Variants in FAM83D observed in about 807,000 individuals in gnomAD.
FAM83D encodes the protein protein FAM83D.
FAM83D carries 26 observed loss-of-function variants against 25.4 expected under a neutral mutation model. The ratio of observed to expected loss-of-function variants is 1.02; its 90% confidence interval spans 0.75 to 1.42. FAM83D has a LOEUF of 1.42. FAM83D is among the 40% of genes most tolerant of loss of function. The probability of loss-of-function intolerance (pLI) is 0.00; values close to 1 mark genes in which losing one functional copy is unlikely to be tolerated. For synonymous variants in FAM83D, 310 were observed against 318.5 expected (o/e 0.97, Z 0.28); for missense variants, 740 against 758.1 (o/e 0.98, Z 0.28).
chr20:38,941,953 C>T lies in FAM83D; in HGVS notation c.484-6C>T. On this transcript the variant is annotated splice_polypyrimidine_tract_variant and splice_region_variant and intron_variant, in intron 1 of 3. Coordinates refer to ENST00000619850, the MANE Select transcript of FAM83D (RefSeq NM_030919.3). ...TATCATGTGCTCTTCCCTGTTTCAC[C>T]TGTAGGTGATTGCAGTGGTCATGGA... 5 of 1,613,632 alleles carry T rather than the reference C, an allele frequency of 3.1e-6. No individual in the cohort carries two copies. The highest frequency in any genetic ancestry group is 4.2e-6 in the Non-Finnish European group (5 of 1,180,010).
At chr20:38,935,885 G>T (rs2085676798) in intron 1 of FAM83D, among the ~76,000 whole-genome samples, 1 of 152,166 alleles carries the variant, frequency 6.6e-6, no homozygotes, top group South Asian at 2.1e-4. Flanking sequence ...AAAGGTTTTT[G>T]ACAAAATCCC....
rs2085635126 is a variant in FAM83D at position 38,926,530 on chromosome 20, G to A, written c.88G>A (p.Glu30Lys). Reference protein sequence around the residue: ...GPPNPTELFSESRRLALEELV... With the variant: ...GPPNPTELFSKSRRLALEELV... ...GCCCAACCCGACCGAGCTGTTCAGC[G>A]AGTCACGGCGCCTGGCTCTGGAGGA... Residue 30 changes from glutamate (E) to lysine (K), a missense_variant, in exon 1 of 4, where the codon GAG becomes AAG. Glu to Lys is a moderately conservative substitution (Grantham distance 56). This residue lies in a region of FAM83D where 333 missense variants were observed against 298.6 expected (regional missense o/e 1.12). Coordinates refer to ENST00000619850, the MANE Select transcript of FAM83D (RefSeq NM_030919.3). The A allele has an allele frequency of 3.1e-6, 5 of 1,589,666 alleles. No individual in the cohort carries two copies. Among genetic ancestry groups the A allele is most frequent in the East Asian group, 2.3e-5 (1 of 44,230 alleles).
chr20:38,949,845 G>A (rs992547918), intron 3 of FAM83D, among the ~76,000 whole-genome samples: 7 of 152,118 alleles, frequency 4.6e-5, no homozygotes, highest in Non-Finnish European at 8.8e-5. Flanking sequence ...TTGTTTTTGA[G>A]ACAAAGAGTC....
In FAM83D at chr20:38,942,006, A is replaced by C. The variant is rs773270928; in HGVS notation, c.531A>C (p.Arg177Ser). The C allele has an allele frequency of 6.2e-7, 1 of 1,614,222 alleles. No homozygotes were observed. The highest frequency in any genetic ancestry group is 8.5e-7 in the Non-Finnish European group (1 of 1,180,032). ...MDVFTDIDIF[R>S]DLQEICRKQG... ...TGTTCACAGACATCGACATCTTCAG[A>C]GACCTGCAAGAAATATGCAGGAAAC... Residue 177 changes from arginine (R) to serine (S), a missense_variant, in exon 2 of 4, where the codon AGA (arginine) becomes AGC (serine). Arg to Ser is a moderately radical substitution (Grantham distance 110, BLOSUM62 -1). Coordinates refer to ENST00000619850, the MANE Select transcript of FAM83D (RefSeq NM_030919.3).
intron 1 of FAM83D, 69 bp from the exon 2 acceptor site, chr20:38,941,890 G>A: frequency 6.6e-7 from 1 of 1,504,372 alleles, no homozygotes; most frequent in South Asian, 1.1e-5. Flanking sequence ...GGAGTCCAGA[G>A]TCCAGAGAGC....
chr20:38,937,918 A>G (rs1452789384), intron 1 of FAM83D, among the ~76,000 whole-genome samples: 2 of 152,212 alleles, frequency 1.3e-5, no homozygotes, highest in African/African-American at 2.4e-5. Flanking sequence ...AGATCACACC[A>G]CTGCACTCCA....
intron 1 of FAM83D, among the ~76,000 whole-genome samples, chr20:38,928,251 G>C (rs984694679): frequency 1.3e-5 from 2 of 152,222 alleles, no homozygotes; most frequent in African/African-American, 2.4e-5. Flanking sequence ...CTGAGTGTGG[G>C]TGAAGATACC....
At chr20:38,942,514 T>C (rs1037585389) in intron 2 of FAM83D, among the ~76,000 whole-genome samples, 1 of 152,226 alleles carries the variant, frequency 6.6e-6, no homozygotes. Flanking sequence ...ACAGCATGGA[T>C]GAACCTGCAA....
At chr20:38,930,382 A>G (rs988502221) in intron 1 of FAM83D, among the ~76,000 whole-genome samples, 51 of 152,242 alleles carry the variant, frequency 3.3e-4, no homozygotes, top group African/African-American at 1.2e-3. Context: ...GAAGTTAAGT[A>G]ACTTGCCTGA....
chr20:38,945,494 T>C (rs2085723022), intron 2 of FAM83D, among the ~76,000 whole-genome samples: 1 of 151,872 alleles, frequency 6.6e-6, no homozygotes, highest in Admixed American at 6.6e-5. Flanking sequence ...GTTCTCCACA[T>C]GTTAACATCT....
chr20:38,937,466 C>T (rs2085683616), intron 1 of FAM83D, among the ~76,000 whole-genome samples: 2 of 152,168 alleles, frequency 1.3e-5, no homozygotes, highest in Admixed American at 6.5e-5. Context: ...AAGCAGGACT[C>T]GGCCGGTTAG....
intron 1 of FAM83D, 134 bp from the exon 2 acceptor site, chr20:38,941,825 C>T: frequency 1.2e-6 from 1 of 857,350 alleles, no homozygotes; most frequent in Non-Finnish European, 1.9e-6. Flanking sequence ...ACCAACACTG[C>T]AGAAGGGGGA....
At chr20:38,942,284 C>G in intron 2 of FAM83D, 158 bp downstream of exon 2, 1 of 733,908 alleles carries the variant, frequency 1.4e-6, no homozygotes, top group Non-Finnish European at 2.3e-6. Context: ...CAAACAGTAC[C>G]TGTGACCTGG....
intron 1 of FAM83D, among the ~76,000 whole-genome samples, chr20:38,937,835 G>A (rs1019595577): frequency 9.9e-5 from 15 of 152,242 alleles, no homozygotes; most frequent in African/African-American, 2.9e-4. Flanking sequence ...GCGTGTGCCT[G>A]TAGTCCCAGC....
chr20:38,945,750 A>AC (rs1269191670), intron 2 of FAM83D, among the ~76,000 whole-genome samples: 3 of 51,704 alleles, frequency 5.8e-5, no homozygotes, highest in African/African-American at 1.4e-4. Context: ...CCCCCCCACC[A>AC]CCCCACCCCC....
At chr20:38,942,182 C>A in intron 2 of FAM83D, 56 bp downstream of exon 2, 1 of 1,579,366 alleles carries the variant, frequency 6.3e-7, no homozygotes, top group Non-Finnish European at 8.7e-7. Flanking sequence ...ACCAAGCATC[C>A]ATTATCTACA....
chr20:38,940,135 CT>C (rs1601333989), intron 1 of FAM83D, among the ~76,000 whole-genome samples: 1 of 152,130 alleles, frequency 6.6e-6, no homozygotes, highest in African/African-American at 2.4e-5. Flanking sequence ...AGAAAGAACG[CT>C]TCTCATTTTT....
chr20:38,951,391 T>G, intron 3 of FAM83D, 148 bp from the exon 4 acceptor site: 4 of 799,662 alleles, frequency 5.0e-6, no homozygotes, highest in South Asian at 1.9e-5. Context: ...TAAGGCTAGT[T>G]AAATACATGC....
At chr20:38,944,551 A>G (rs16987696) in intron 2 of FAM83D, among the ~76,000 whole-genome samples, 21,614 of 152,210 alleles carry the variant, frequency 0.14, 1,650 homozygotes, top group Middle Eastern at 0.19. Context: ...CTATTTATCT[A>G]CTAGACAGAA....
Sources: allele counts gnomAD v4.1 joint callset (sites outside exome capture counted in the v4.1 genomes callset), GRCh38; gene constraint gnomAD v4.1.1; regional missense constraint gnomAD v4.1.1; transcripts MANE v1.5; gene names NCBI Gene and HGNC (gene_info 2026-07-23, HGNC 2026-07-21).